Variants in HECW2 observed in about 807,000 individuals in gnomAD.
HECW2 encodes HECT, C2 and WW domain containing E3 ubiquitin protein ligase 2, also known as E3 ubiquitin-protein ligase HECW2.
In HECW2, 61 loss-of-function variants were observed where a neutral mutation model predicts 175.2. That is an observed-to-expected ratio of 0.35 (90% CI 0.28 to 0.43). The LOEUF is 0.43. Ranked by LOEUF, HECW2 falls within the 20% of genes least tolerant of loss-of-function variation. The pLI is 1.00. For synonymous variants in HECW2, 671 were observed against 731.0 expected (o/e 0.92, Z 1.32); for missense variants, 1,524 against 2,000.5 (o/e 0.76, Z 4.54).
intron 1 of HECW2, among the ~76,000 whole-genome samples, chr2:196,582,574 T>G (rs535900711): frequency 6.6e-6 from 1 of 152,282 alleles, no homozygotes; most frequent in Middle Eastern, 3.4e-3. Context: ...CATATACAGC[T>G]CCCTTCTTTT....
chr2:196,407,907 T>C (rs113483592), intron 2 of HECW2, among the ~76,000 whole-genome samples: 9 of 152,360 alleles, frequency 5.9e-5, no homozygotes, highest in East Asian at 1.9e-4. Context: ...TGAATACTCA[T>C]ATCAGAGCCA....
At chr2:196,365,348 G>T (rs1298063844) in intron 2 of HECW2, among the ~76,000 whole-genome samples, 1 of 152,182 alleles carries the variant, frequency 6.6e-6, no homozygotes. Context: ...CATCAGGAAG[G>T]AACAACCCTT....
chr2:196,529,853 C>A (rs141520838), intron 1 of HECW2, among the ~76,000 whole-genome samples: 70 of 152,286 alleles, frequency 4.6e-4, no homozygotes, highest in African/African-American at 1.7e-3. Flanking sequence ...TATTGGATTT[C>A]TTTGTCATAT....
intron 2 of HECW2, among the ~76,000 whole-genome samples, chr2:196,351,192 A>ATTT (rs1693157778): frequency 6.7e-6 from 1 of 150,314 alleles, no homozygotes; most frequent in East Asian, 1.9e-4. Context: ...TTTTTTTTTA[A>ATTT]AAAAAATGAC....
In HECW2 at chr2:196,508,416, C is replaced by T. The variant is rs551930233; in HGVS notation, c.-35-74958G>A. On this transcript the variant is annotated intron_variant, in intron 1 of 28. Transcript: ENST00000644978. Reference sequence around the variant, plus strand: ...CCATTAAACATTTTCTTCAAGATCACCATTTAAGAGCTGGTCAAAGAAAGC... The same window carrying T: ...CCATTAAACATTTTCTTCAAGATCATCATTTAAGAGCTGGTCAAAGAAAGC... Among the ~76,000 whole-genome samples, 5 of 152,300 alleles carry T rather than the reference C, an allele frequency of 3.3e-5. No homozygotes were observed. In the East Asian group the frequency reaches 5.8e-4, roughly 18 times the overall value.
chr2:196,284,362 C>G (rs901045828), intron 14 of HECW2, among the ~76,000 whole-genome samples: 11 of 152,190 alleles, frequency 7.2e-5, no homozygotes, highest in African/African-American at 2.4e-4. Flanking sequence ...ATTGTTTACA[C>G]ATGTTTTTTA....
At chr2:196,398,440 A>C (rs931716508) in intron 2 of HECW2, among the ~76,000 whole-genome samples, 13 of 152,242 alleles carry the variant, frequency 8.5e-5, no homozygotes, top group Non-Finnish European at 1.5e-4. Context: ...GGTTCAAATA[A>C]ATTAGTGTTT....
At chr2:196,571,809 G>T (rs1342258769) in intron 1 of HECW2, among the ~76,000 whole-genome samples, 2 of 152,070 alleles carry the variant, frequency 1.3e-5, no homozygotes, top group Non-Finnish European at 2.9e-5. Context: ...TGAAAGCAAG[G>T]TCACAAAGAG....
chr2:196,504,188 C>G lies in HECW2; in HGVS notation c.-35-70730G>C, dbSNP rs193240501. On this transcript the variant is annotated intron_variant, in intron 1 of 28. Coordinates refer to ENST00000644978, the MANE Select transcript of HECW2 (RefSeq NM_001348768.2). The stretch of plus-strand genomic sequence containing the variant: ...GCAGGCACCTGTAATCCCAGCTACT[C>G]GGGAGGCTGAGGCAGGAGAATCACT... Among the ~76,000 whole-genome samples the G allele has an allele frequency of 4.0e-5, 6 of 150,084 alleles. No homozygotes were observed. The East Asian group carries it at 1.2e-3, about 30-fold the overall frequency.
At chr2:196,304,276 T>C (rs534666634) in intron 13 of HECW2, among the ~76,000 whole-genome samples, 109 of 152,284 alleles carry the variant, frequency 7.2e-4, no homozygotes, top group Non-Finnish European at 1.5e-3. Flanking sequence ...GGGCATTTTA[T>C]GACGGCTTGA....
At chr2:196,540,177 T>A (rs1335566841) in intron 1 of HECW2, among the ~76,000 whole-genome samples, 1 of 152,242 alleles carries the variant, frequency 6.6e-6, no homozygotes, top group East Asian at 1.9e-4. Flanking sequence ...AAATGTTTTG[T>A]ACTTTTCCTT....
intron 2 of HECW2, among the ~76,000 whole-genome samples, chr2:196,375,175 G>A (rs535494714): frequency 1.8e-4 from 23 of 131,130 alleles, no homozygotes; most frequent in East Asian, 1.6e-3. Context: ...AAAAAAGAAA[G>A]AAAAAAAAGA....
At chr2:196,489,658 G>C (rs1271623101) in intron 1 of HECW2, among the ~76,000 whole-genome samples, 1 of 152,168 alleles carries the variant, frequency 6.6e-6, no homozygotes, top group African/African-American at 2.4e-5. Flanking sequence ...TTAAGTCTGG[G>C]ATGGCCCATC....
At chr2:196,317,728 G>T (rs975292019) in intron 9 of HECW2, among the ~76,000 whole-genome samples, 1 of 151,960 alleles carries the variant, frequency 6.6e-6, no homozygotes, top group Admixed American at 6.6e-5. Flanking sequence ...AAAAGAAGGG[G>T]ATCATGTAGG....
At chr2:196,253,495 C>G (rs1323646282) in intron 19 of HECW2, among the ~76,000 whole-genome samples, 1 of 152,216 alleles carries the variant, frequency 6.6e-6, no homozygotes, top group Admixed American at 6.5e-5. Flanking sequence ...CTATCTAATG[C>G]AATTAATGAA....
chr2:196,310,345 C>A (rs550343319), intron 10 of HECW2, among the ~76,000 whole-genome samples: 211 of 152,326 alleles, frequency 1.4e-3, no homozygotes, highest in African/African-American at 4.5e-3. Context: ...CCCATAAAGA[C>A]AAATTCTATA....
chr2:196,501,491 T>A (rs1473649854), intron 1 of HECW2, among the ~76,000 whole-genome samples: 1 of 152,150 alleles, frequency 6.6e-6, no homozygotes, highest in Admixed American at 6.5e-5. Context: ...CCTCAAGTGA[T>A]CTGCCCGCCT....
chr2:196,214,237 C>T (rs1046088921), intron 28 of HECW2, among the ~76,000 whole-genome samples: 5 of 152,178 alleles, frequency 3.3e-5, no homozygotes, highest in African/African-American at 1.2e-4. Flanking sequence ...AGGTGGGACT[C>T]AGCCTAGGTC....
In HECW2 at chr2:196,319,400, G is replaced by C; in HGVS notation, c.1490C>G (p.Ala497Gly). 4 of 1,614,094 alleles carry C rather than the reference G, an allele frequency of 2.5e-6. No homozygotes were observed. Among genetic ancestry groups the C allele is most frequent in the South Asian group, 1.1e-5 (1 of 91,050 alleles). Residue 497 changes from alanine (A) to glycine (G), a missense_variant, in exon 9 of 29, where the codon GCT (alanine) becomes GGT (glycine). Around this residue, in one of 11 missense-constraint regions of HECW2, gnomAD observed 604 missense variants for 588.3 expected, o/e 1.03. Transcript: ENST00000644978. The part of the protein sequence containing the change: ...GLIMFSRASR[A>G]DDGSLTSQTK... ...CTGAGATGTCAGGCTTCCATCATCA[G>C]CTCTGGATGCCCTGCTAAACATGAT...
Sources: gnomAD v4.1 joint callset for allele counts (sites outside exome capture counted in the v4.1 genomes callset) on GRCh38, gnomAD v4.1.1 for gene constraint, gnomAD v4.1.1 regional missense constraint, MANE v1.5 for transcripts, NCBI Gene and HGNC (gene_info 2026-07-23, HGNC 2026-07-21) for gene names.